The following CLEC20A variants were observed in gnomAD, a reference collection of about 807,000 sequenced individuals.
CLEC20A encodes the protein putative C-type lectin domain family 20 member A.
chr1:178,482,212 T>A (rs1355143102), intron 7 of CLEC20A, 100 bp downstream of exon 7: 2 of 397,228 alleles, frequency 5.0e-6, no homozygotes, highest in Non-Finnish European at 8.9e-6. Flanking sequence ...GATGAGGTCA[T>A]ATTCCACAGG....
rs1649169075 is a variant in CLEC20A, at chr1:178,487,156, T to C, written c.928+1345A>G. ...GCTTCGCGCGCTGGCTCCCCGGGCCTGTGCCTCTTCCACGCCTGGCCTTGC... is the reference window on the plus strand; with the variant it reads ...GCTTCGCGCGCTGGCTCCCCGGGCCCGTGCCTCTTCCACGCCTGGCCTTGC... On this transcript the variant is annotated intron_variant, in intron 5 of 7. Coordinates refer to ENST00000623247, the Ensembl canonical transcript of CLEC20A. 2.6e-5 allele frequency among the ~76,000 whole-genome samples: 4 copies of C among 152,226 alleles called. No homozygotes were observed. The East Asian group carries it at 7.7e-4, about 29-fold the overall frequency.
chr1:178,490,495 G>C, intron 3 of CLEC20A, 58 bp from the exon 4 acceptor site: 1 of 398,312 alleles, frequency 2.5e-6, no homozygotes, highest in Non-Finnish European at 4.4e-6. Flanking sequence ...TGACAGCCCA[G>C]CCTTCATCAC....
intron 6 of CLEC20A, chr1:178,482,902 T>C: frequency 3.2e-6 from 1 of 312,490 alleles, no homozygotes; most frequent in Non-Finnish European, 5.8e-6. Flanking sequence ...GTTATCTCAT[T>C]GGGTGCTCAC....
At chr1:178,485,614 A>G (rs986716609) in intron 5 of CLEC20A, among the ~76,000 whole-genome samples, 4 of 152,200 alleles carry the variant, frequency 2.6e-5, no homozygotes, top group Non-Finnish European at 5.9e-5. Flanking sequence ...GCATTTTCCA[A>G]ACCGTCCTGA....
upstream of CLEC20A, among the ~76,000 whole-genome samples, chr1:178,497,872 G>A (rs866671969): frequency 1.3e-5 from 2 of 152,116 alleles, no homozygotes; most frequent in African/African-American, 4.8e-5. Context: ...GAGAAAGAGA[G>A]TAGGGTAGCA....
intron 7 of CLEC20A, chr1:178,479,919 GA>G (rs1019623111): frequency 2.3e-4 from 33 of 143,120 alleles, no homozygotes; most frequent in Non-Finnish European, 4.3e-4. Context: ...AAAAAAAAAA[GA>G]AAAAAAACAG....
chr1:178,486,854 TG>T (rs1362468430), intron 5 of CLEC20A: 1 of 398,120 alleles, frequency 2.5e-6, no homozygotes, highest in East Asian at 3.6e-5. Context: ...GGAACCAAGG[TG>T]CCCCCCGGGG....
chr1:178,489,233 G>A (rs1283063194), intron 4 of CLEC20A, among the ~76,000 whole-genome samples: 1 of 151,902 alleles, frequency 6.6e-6, no homozygotes, highest in Non-Finnish European at 1.5e-5. Context: ...CGTGGTAGTG[G>A]GCACCTGTAA....
chr1:178,488,697 C>G lies in CLEC20A; in HGVS notation c.830-98G>C, dbSNP rs1287083008. ...GATGGCCCCGCATTTGGTTGCCCAT[C>G]ATGGTAGCCAAACTCAGGAGGGCGC... On this transcript the variant is annotated intron_variant, in intron 4 of 7. Transcript: ENST00000623247. 2.3e-5 allele frequency: 9 copies of G among 397,786 alleles called. No individual in the cohort carries two copies. In the East Asian group the frequency reaches 2.5e-4, roughly 11 times the overall value. 24.6% of individuals were successfully genotyped at this position (397,786 alleles called of 1,614,324 possible).
In CLEC20A at chr1:178,485,397, G is replaced by A. The variant is rs114303822; in HGVS notation, c.929-2115C>T. On this transcript the variant is annotated intron_variant, in intron 5 of 7. Transcript: ENST00000623247. ...CCCCACTATGTGGCCTACACCAGTCGCATCAAACTGCTTGTCATTCCCAAG... is the reference window on the plus strand; with the variant it reads ...CCCCACTATGTGGCCTACACCAGTCACATCAAACTGCTTGTCATTCCCAAG... Among the ~76,000 whole-genome samples the A allele has an allele frequency of 8.6e-4, 131 of 152,150 alleles. 1 individual carries two copies. The highest frequency in any genetic ancestry group is 3.0e-3 in the African/African-American group (123 of 41,512).
At chr1:178,485,373 C>T (rs1305141575) in intron 5 of CLEC20A, among the ~76,000 whole-genome samples, 1 of 152,168 alleles carries the variant, frequency 6.6e-6, no homozygotes, top group Admixed American at 6.5e-5. Flanking sequence ...CACTCCCTTC[C>T]CCACTATGTG....
At chr1:178,490,161 A>T in exon 4 of CLEC20A, 1 of 398,746 alleles carries the variant, frequency 2.5e-6, no homozygotes. Flanking sequence ...AGCTGTGCAC[A>T]GTCCTCTCAC....
chr1:178,480,884 A>G (rs1648954854), intron 7 of CLEC20A: 1 of 152,054 alleles, frequency 6.6e-6, no homozygotes, highest in Non-Finnish European at 1.5e-5. Context: ...CCTTAACTAC[A>G]TTTGACTTTA....
At chr1:178,498,100 G>A (rs1177185280), upstream of CLEC20A, among the ~76,000 whole-genome samples, 1 of 152,008 alleles carries the variant, frequency 6.6e-6, no homozygotes, top group Non-Finnish European at 1.5e-5. Context: ...AGAAACTGTG[G>A]CTCAGAGAAG....
intron 5 of CLEC20A, chr1:178,484,132 C>T (rs893783703): frequency 8.5e-5 from 13 of 152,168 alleles, no homozygotes; most frequent in African/African-American, 2.7e-4. Flanking sequence ...CTGTAATAAA[C>T]AATGCCGCAA....
At position 178,482,296 on chromosome 1, in the gene CLEC20A, T is replaced by C; in HGVS notation, c.1122+16A>G. ...AATCATCTGATCAGAATTAGAAGAG[T>C]GTGCAGAAGTCTCACCTGTCTCAGA... On this transcript the variant is annotated intron_variant, in intron 7 of 7. Coordinates refer to ENST00000623247, the Ensembl canonical transcript of CLEC20A. The C allele has an allele frequency of 2.5e-6, 1 of 398,552 alleles. No homozygotes were observed. The highest frequency in any genetic ancestry group is 4.4e-6 in the Non-Finnish European group (1 of 226,046). The allele number at this position is 398,552 out of a possible 1,614,324, so 24.7% of individuals were successfully genotyped here. A position where few individuals can be genotyped will look rare whatever the true frequency, so the allele number is the denominator to read the frequency against.
chr1:178,498,099 G>T (rs1044104904), upstream of CLEC20A, among the ~76,000 whole-genome samples: 2 of 151,994 alleles, frequency 1.3e-5, no homozygotes, highest in African/African-American at 4.8e-5. Flanking sequence ...GAGAAACTGT[G>T]GCTCAGAGAA....
intron 4 of CLEC20A, 53 bp downstream of exon 4, chr1:178,490,019 T>A (rs922202803): frequency 2.5e-6 from 1 of 398,492 alleles, no homozygotes; most frequent in Admixed American, 4.4e-5. Context: ...CCATTTCCCA[T>A]CTCATTCTAT....
downstream of CLEC20A, chr1:178,479,241 T>A (rs1648876253): frequency 1.9e-5 from 4 of 205,546 alleles, no homozygotes; most frequent in Non-Finnish European, 3.9e-5. Context: ...TTTTCAGGAT[T>A]TTTGATGTTT....
Sources: gnomAD v4.1 joint callset for allele counts (sites outside exome capture counted in the v4.1 genomes callset) on GRCh38, gnomAD v4.1.1 for gene constraint, MANE v1.5 for transcripts, NCBI Gene and HGNC (gene_info 2026-07-23, HGNC 2026-07-21) for gene names.